The following NCOA7 variants were observed in gnomAD, a reference collection of about 807,000 sequenced individuals.
NCOA7 encodes nuclear receptor coactivator 7, also known as 140 kDa estrogen receptor-associated protein.
Under a neutral mutation model 104.3 loss-of-function variants are expected in NCOA7, and 45 were observed. The ratio of observed to expected loss-of-function variants is 0.43; its 90% CI spans 0.34 to 0.55. The LOEUF is 0.55. NCOA7 is among the 20% of genes least tolerant of loss of function. NCOA7 has a pLI of 0.02. For synonymous variants in NCOA7, 398 were observed against 402.3 expected (o/e 0.99, Z 0.13); for missense variants, 1,041 against 1,119.7 (o/e 0.93, Z 1.00).
At chr6:125,878,672 G>T (rs906362919) in intron 5 of NCOA7, among the ~76,000 whole-genome samples, 23 of 152,002 alleles carry the variant, frequency 1.5e-4, no homozygotes, top group African/African-American at 5.3e-4. Context: ...ACTGCACCCA[G>T]CTCAACTTTA....
At position 125,890,825 on chromosome 6, in the gene NCOA7, CAATGGA is replaced by C; in HGVS notation, c.2096+18_2096+23del. 1 of 1,559,278 alleles carries C rather than the reference CAATGGA, an allele frequency of 6.4e-7. No individual in the cohort carries two copies. On this transcript the variant is annotated intron_variant, in intron 10 of 15. Transcript: ENST00000392477. ...CCTCGGGAGAGGTGAGTATGGGCTACAATGGAAAGTCTGTGGGTCTGTTAGGTTTGG... is the reference window on the plus strand; with the variant it reads ...CCTCGGGAGAGGTGAGTATGGGCTACAAGTCTGTGGGTCTGTTAGGTTTGG...
chr6:125,859,204 A>T lies in NCOA7; in HGVS notation c.271+3964A>T, dbSNP rs535670198. On this transcript the variant is annotated intron_variant, in intron 3 of 15. Transcript: ENST00000392477. ...GGGGCACACCGAAGGGGCACACAGC[A>T]GCATTTGATGGTCAGTGTAGTGTGT... 2.4e-4 allele frequency among the ~76,000 whole-genome samples: 37 copies of T among 152,250 alleles called. 1 individual carries two copies. The highest frequency in any genetic ancestry group is 8.2e-4 in the African/African-American group (34 of 41,536).
At chr6:125,794,359 C>G (rs143875166) in intron 1 of NCOA7, among the ~76,000 whole-genome samples, 14 of 152,240 alleles carry the variant, frequency 9.2e-5, no homozygotes, top group Admixed American at 9.2e-4. Flanking sequence ...AACTTGGCAA[C>G]TAGGAAATGA....
In NCOA7 at chr6:125,863,881, C is replaced by T. The variant is rs1782237420; in HGVS notation, c.271+8641C>T. ...TCCATGAGAGTACTGCCAAGATGACCTAACCACCCCTCAATGGCTCCTTTT... is the reference window on the plus strand; with the variant it reads ...TCCATGAGAGTACTGCCAAGATGACTTAACCACCCCTCAATGGCTCCTTTT... On this transcript the variant is annotated intron_variant, in intron 3 of 15. Transcript: ENST00000392477. 1.5e-5 allele frequency among the ~76,000 whole-genome samples: 2 copies of T among 137,394 alleles called. 1 individual carries two copies. Among genetic ancestry groups the T allele is most frequent in the Non-Finnish European group, 3.1e-5 (2 of 64,720 alleles). The allele number at this position is 137,394 out of a possible 152,430, so 90.1% of individuals were successfully genotyped here.
chr6:125,901,033 A>G (rs1450841495), intron 10 of NCOA7, among the ~76,000 whole-genome samples: 2 of 152,206 alleles, frequency 1.3e-5, no homozygotes, highest in Admixed American at 1.3e-4. Context: ...TGTTTTCAGA[A>G]TGGAACCCCC....
At chr6:125,811,652 G>A (rs145474644) in intron 1 of NCOA7, among the ~76,000 whole-genome samples, 9 of 152,252 alleles carry the variant, frequency 5.9e-5, no homozygotes, top group East Asian at 1.9e-4. Flanking sequence ...AAACCACAGT[G>A]TGAAACTGAG....
intron 2 of NCOA7, among the ~76,000 whole-genome samples, chr6:125,824,522 A>C (rs1258692197): frequency 6.6e-6 from 1 of 152,236 alleles, no homozygotes; most frequent in Non-Finnish European, 1.5e-5. Context: ...TAAGCACTAA[A>C]TAATTTTAAT....
At chr6:125,821,255 C>A (rs567695554) in intron 2 of NCOA7, among the ~76,000 whole-genome samples, 6 of 152,164 alleles carry the variant, frequency 3.9e-5, no homozygotes, top group Non-Finnish European at 7.3e-5. Context: ...TCATACCAAA[C>A]ATCTGATTTA....
Position 125,889,834 on chromosome 6 carries a change from A to T in NCOA7, c.1780A>T (p.Asn594Tyr). The T allele has an allele frequency of 1.2e-6, 2 of 1,613,762 alleles. No individual in the cohort carries two copies. Among genetic ancestry groups the T allele is most frequent in the South Asian group, 2.2e-5 (2 of 91,014 alleles). Residue 594 changes from asparagine (N) to tyrosine (Y), a missense_variant, in exon 9 of 16, where the codon AAC (asparagine) becomes TAC (tyrosine). By Grantham distance (143) the Asn-to-Tyr change is moderately radical (BLOSUM62 -2). This residue lies in a region of NCOA7 where 914 missense variants were observed against 942.7 expected (regional missense o/e 0.97). Coordinates refer to ENST00000392477, the MANE Select transcript of NCOA7 (RefSeq NM_181782.5). ...GGGAGAGCCCCTCCCGGTAAAACTG[A>T]ACTCTTCTACAGAAGCAAATGTGAT... ...KKGEPLPVKLNSSTEANVIKE... is the reference protein window; with the variant it reads ...KKGEPLPVKLYSSTEANVIKE...
chr6:125,783,926 T>C (rs1283988284), intron 1 of NCOA7, among the ~76,000 whole-genome samples: 1 of 152,226 alleles, frequency 6.6e-6, no homozygotes, highest in Non-Finnish European at 1.5e-5. Context: ...TTCCACTGTA[T>C]AGATATCTTA....
At chr6:125,880,993 C>A in intron 5 of NCOA7, 97 bp from the exon 6 acceptor site, 1 of 821,010 alleles carries the variant, frequency 1.2e-6, no homozygotes, top group South Asian at 1.4e-5. Context: ...TAATCATGCA[C>A]TGAACATGAT....
At chr6:125,928,292 C>T (rs1788214528) in intron 15 of NCOA7, 45 bp downstream of exon 15, 2 of 1,543,556 alleles carry the variant, frequency 1.3e-6, no homozygotes, top group Non-Finnish European at 1.8e-6. Flanking sequence ...ATTTTACCAC[C>T]TGACCTGAGT....
chr6:125,795,267 G>A lies in NCOA7; in HGVS notation c.-65+4200G>A, dbSNP rs187169040. Among the ~76,000 whole-genome samples, 1,163 of 152,242 alleles carry A rather than the reference G, an allele frequency of 7.6e-3. 8 individuals are homozygous for A. The highest frequency in any genetic ancestry group is 0.012 in the Non-Finnish European group (833 of 68,018). On this transcript the variant is annotated intron_variant, in intron 1 of 15. Coordinates refer to ENST00000392477, the MANE Select transcript of NCOA7 (RefSeq NM_181782.5). ...AGTGCAACTTAAAACATAAGAGGGG[G>A]TTTGGAGGGGGACCTAGGCAGGTTT...
At chr6:125,787,001 G>C (rs1326763492), upstream of NCOA7, among the ~76,000 whole-genome samples, 1 of 151,962 alleles carries the variant, frequency 6.6e-6, no homozygotes, top group Non-Finnish European at 1.5e-5. Context: ...ACAAAAATTA[G>C]CCGGGTGTGG....
rs377391814 is a variant in NCOA7 at position 125,841,026 on chromosome 6, G to A, written c.51-13994G>A. ...TCCTGCCTGAGCCTCCCGAGTAGCT[G>A]GGATTACAGGCACCTGCCACTGTGC... is the stretch of plus-strand genomic sequence containing the variant. On this transcript the variant is annotated intron_variant, in intron 2 of 15. Coordinates refer to ENST00000392477, the MANE Select transcript of NCOA7 (RefSeq NM_181782.5). Among the ~76,000 whole-genome samples, 904 of 151,056 alleles carry A rather than the reference G, an allele frequency of 6.0e-3. 7 individuals carry two copies. The highest frequency in any genetic ancestry group is 0.021 in the African/African-American group (863 of 41,124).
chr6:125,922,627 C>T (rs1229935148), intron 12 of NCOA7, 55 bp from the exon 13 acceptor site: 49 of 1,579,762 alleles, frequency 3.1e-5, no homozygotes, highest in East Asian at 9.0e-5. Flanking sequence ...GCCACATGTT[C>T]GTGAGCAATT....
At chr6:125,878,531 A>T (rs1783565395) in intron 5 of NCOA7, among the ~76,000 whole-genome samples, 161 bp downstream of exon 5, 1 of 151,960 alleles carries the variant, frequency 6.6e-6, no homozygotes, top group African/African-American at 2.4e-5. Context: ...ATTTTTTGAG[A>T]CAGGGTCTTG....
chr6:125,808,383 A>C (rs973736835), intron 1 of NCOA7, among the ~76,000 whole-genome samples: 2 of 152,174 alleles, frequency 1.3e-5, no homozygotes, highest in East Asian at 3.9e-4. Context: ...AGCACTCACC[A>C]CATCTCATTT....
intron 1 of NCOA7, among the ~76,000 whole-genome samples, chr6:125,808,872 C>G (rs1245786752): frequency 6.6e-6 from 1 of 152,178 alleles, no homozygotes; most frequent in Non-Finnish European, 1.5e-5. Flanking sequence ...GATGGCATCT[C>G]TTGACTCATC....
Sources: gnomAD v4.1 joint callset for allele counts (sites outside exome capture counted in the v4.1 genomes callset) on GRCh38, gnomAD v4.1.1 for gene constraint, gnomAD v4.1.1 regional missense constraint, MANE v1.5 for transcripts, NCBI Gene and HGNC (gene_info 2026-07-23, HGNC 2026-07-21) for gene names.